JAG1: variants seen among roughly 807,000 people sequenced by gnomAD.
JAG1 encodes jagged canonical Notch ligand 1, also known as protein jagged-1.
In JAG1, 23 loss-of-function variants were observed where a neutral mutation model predicts 148.7. The ratio of observed to expected loss-of-function variants is 0.15; its 90% CI spans 0.11 to 0.22. JAG1 has a LOEUF of 0.22. Ranked by LOEUF, JAG1 falls within the 10% of genes least tolerant of loss-of-function variation. The probability of loss-of-function intolerance (pLI) is 1.00; values close to 1 mark genes in which losing one functional copy is unlikely to be tolerated. For synonymous variants in JAG1, 572 were observed against 598.3 expected (o/e 0.96, Z 0.64); for missense variants, 1,054 against 1,611.2 (o/e 0.65, Z 5.92).
intron 20 of JAG1, among the ~76,000 whole-genome samples, chr20:10,643,390 CCA>C (rs2067286458): frequency 6.6e-6 from 1 of 152,342 alleles, no homozygotes; most frequent in East Asian, 1.9e-4. Flanking sequence ...CCTCTGGAAG[CCA>C]CAGTCGTCCT....
Position 10,673,505 on chromosome 20 carries a change from C to G in JAG1, c.26G>C (p.Arg9Pro), listed in dbSNP as rs1248965484. ...CAGGAGGCTTAGGGGGCGCCCGGAC[C>G]GGCCGCGCGTCCGTGGGGAACGCAT... MRSPRTRG[R>P]SGRPLSLLLA... is the part of the protein sequence containing the mutation. The change falls in exon 1 of 26, where the codon CGG becomes CCG. Residue 9 changes from arginine to proline, a missense_variant. By Grantham distance (103) the Arg-to-Pro change is moderately radical. Transcript: ENST00000254958. The surrounding 1 kb of genome is among the most constrained non-coding windows in gnomAD (Gnocchi z 4.7). 2 of 1,267,686 alleles carry G rather than the reference C, an allele frequency of 1.6e-6. No individual in the cohort carries two copies. The highest frequency in any genetic ancestry group is 3.2e-5 in the South Asian group (1 of 30,958). 78.5% of individuals were successfully genotyped at this position (1,267,686 alleles called of 1,614,324 possible). A position where few individuals can be genotyped will look rare whatever the true frequency, so the allele number is the denominator to read the frequency against.
At position 10,672,851 on chromosome 20, in the gene JAG1, G is replaced by A; in HGVS notation, c.237C>T (p.Leu79=). ...CCGTGACGCGGGACTGATACTCCTT[G>A]AGGCACACTTTGAAGTATGTGTCAC... ...DECDTYFKVC[L]KEYQSRVTAG... is the part of the protein sequence containing the mutation. Residue 79 remains leucine, a synonymous_variant, in exon 2 of 26, where the codon CTC becomes CTT. Coordinates refer to ENST00000254958, the MANE Select transcript of JAG1 (RefSeq NM_000214.3). 6.2e-7 allele frequency: 1 copy of A among 1,613,354 alleles called. No individual in the cohort carries two copies. The highest frequency in any genetic ancestry group is 8.5e-7 in the Non-Finnish European group (1 of 1,180,050).
intron 11 of JAG1, 92 bp from the exon 12 acceptor site, chr20:10,648,814 GT>G: frequency 1.6e-6 from 2 of 1,276,622 alleles, no homozygotes; most frequent in Non-Finnish European, 2.3e-6. Context: ...GACTGTTGCG[GT>G]TTAGCTGGTT....
At position 10,668,092 on chromosome 20, in the gene JAG1, T is replaced by TAAAAAAA. The variant is rs58852175; in HGVS notation, c.388-4085_388-4079dup. Among the ~76,000 whole-genome samples the TAAAAAAA allele has an allele frequency of 2.1e-3, 220 of 107,220 alleles. 4 individuals carry two copies. Among genetic ancestry groups the TAAAAAAA allele is most frequent in the African/African-American group, 6.7e-3 (184 of 27,470 alleles). 70.3% of individuals were successfully genotyped at this position (107,220 alleles called of 152,430 possible). ...CCAATGGTAGATGTCACTGGCACCATAAAAAAAAAAAAAAAAAAAAAAAAC... is the reference window on the plus strand; with the variant it reads ...CCAATGGTAGATGTCACTGGCACCATAAAAAAAAAAAAAAAAAAAAAAAAAAAAAAAC... On this transcript the variant is annotated intron_variant, in intron 2 of 25. Transcript: ENST00000254958.
chr20:10,664,120 C>T, intron 2 of JAG1, 106 bp from the exon 3 acceptor site: 1 of 888,576 alleles, frequency 1.1e-6, no homozygotes, highest in South Asian at 1.3e-5. Flanking sequence ...AACCATAATG[C>T]CAAAATAAAA....
chr20:10,662,584 C>T (rs2067425095), intron 3 of JAG1: 1 of 152,872 alleles, frequency 6.5e-6, no homozygotes, highest in Admixed American at 6.5e-5. Flanking sequence ...CCTCCTCAAC[C>T]CCTTCTGCCT....
intron 14 of JAG1, 62 bp downstream of exon 14, chr20:10,646,877 C>T: frequency 6.6e-7 from 1 of 1,512,572 alleles, no homozygotes; most frequent in Non-Finnish European, 9.2e-7. Context: ...GGGCCAGGGG[C>T]AGAGGCAGGG....
At chr20:10,641,993 C>A in intron 21 of JAG1, 101 bp from the exon 22 acceptor site, 1 of 818,002 alleles carries the variant, frequency 1.2e-6, no homozygotes. Context: ...GTGCCCTTTG[C>A]CATGTTAAGA....
At chr20:10,660,229 A>G (rs6040063) in intron 3 of JAG1, among the ~76,000 whole-genome samples, 83,205 of 152,058 alleles carry the variant, frequency 0.55, 22,963 homozygotes, top group East Asian at 0.71. Flanking sequence ...TTCGCCCTCT[A>G]GGGCTCTCAA....
At chr20:10,651,741 T>TA (rs773468870) in intron 7 of JAG1, 47 bp from the exon 8 acceptor site, 32 of 1,221,164 alleles carry the variant, frequency 2.6e-5, no homozygotes, top group South Asian at 2.3e-4. Flanking sequence ...TGCACACCGT[T>TA]ACCTCCCCAC....
At chr20:10,647,287 T>C in intron 13 of JAG1, 184 bp from the exon 14 acceptor site, 1 of 672,384 alleles carries the variant, frequency 1.5e-6, no homozygotes, top group South Asian at 1.7e-5. Flanking sequence ...AAGTTGAGAC[T>C]CCAGGCAAAG....
At chr20:10,644,475 C>A in intron 18 of JAG1, 91 bp from the exon 19 acceptor site, 1 of 1,018,702 alleles carries the variant, frequency 9.8e-7, no homozygotes, top group East Asian at 2.4e-5. Context: ...TCCTAATACC[C>A]AAATGATAAA....
At chr20:10,649,768 T>G (rs756481852) in intron 9 of JAG1, 133 bp from the exon 10 acceptor site, 143 of 696,042 alleles carry the variant, frequency 2.1e-4, no homozygotes, top group Non-Finnish European at 2.7e-4. Context: ...TAAAAGATAC[T>G]AGAGGTTCCC....
chr20:10,644,524 G>A, intron 18 of JAG1, 140 bp from the exon 19 acceptor site: 1 of 736,352 alleles, frequency 1.4e-6, no homozygotes, highest in South Asian at 1.5e-5. Flanking sequence ...TGCTAAATTG[G>A]AACCAGGCCC....
chr20:10,645,099 G>T lies in JAG1; in HGVS notation c.2227+44C>A, dbSNP rs773393697. 1.9e-6 allele frequency: 3 copies of T among 1,544,942 alleles called. No individual in the cohort carries two copies. The highest frequency in any genetic ancestry group is 1.1e-5 in the South Asian group (1 of 89,632). ...AGGGGCCAACCAGCAGACACGCCCAGGTGGCCATGCCCACTGCAGATCCCA... is the reference window on the plus strand; with the variant it reads ...AGGGGCCAACCAGCAGACACGCCCATGTGGCCATGCCCACTGCAGATCCCA... On this transcript the variant is annotated intron_variant, in intron 17 of 25. Transcript: ENST00000254958. This position sits in a 1 kb window ranked among gnomAD's most constrained non-coding sequence, Gnocchi z 6.1.
intron 18 of JAG1, 53 bp downstream of exon 18, chr20:10,644,810 G>T: frequency 7.9e-7 from 1 of 1,272,724 alleles, no homozygotes; most frequent in Non-Finnish European, 1.2e-6. Flanking sequence ...CCCCAAGGGT[G>T]TCAGGATCTG....
Position 10,673,040 on chromosome 20 carries a change from G to C in JAG1, c.82-34C>G. The C allele has an allele frequency of 1.3e-6, 2 of 1,596,652 alleles. No individual in the cohort carries two copies. Among genetic ancestry groups the C allele is most frequent in the Non-Finnish European group, 1.7e-6 (2 of 1,176,210 alleles). ...GAGGGAAGGAGGTAGGTCAGCGCGG[G>C]AGAAAGCTGTTTTCTTCGAGTATAG... On this transcript the variant is annotated intron_variant, in intron 1 of 25. Coordinates refer to ENST00000254958, the MANE Select transcript of JAG1 (RefSeq NM_000214.3). This position sits in a 1 kb window ranked among gnomAD's most constrained non-coding sequence, Gnocchi z 4.7.
intron 2 of JAG1, among the ~76,000 whole-genome samples, chr20:10,664,403 C>A (rs1263267152): frequency 6.8e-6 from 1 of 147,918 alleles, no homozygotes; most frequent in Non-Finnish European, 1.5e-5. Flanking sequence ...CACACACACA[C>A]ACACACACAA....
At chr20:10,646,114 C>G (rs767228475) in intron 14 of JAG1, 30 bp from the exon 15 acceptor site, 1 of 1,513,832 alleles carries the variant, frequency 6.6e-7, no homozygotes, top group Middle Eastern at 1.7e-4. Context: ...AAAAAAAGAA[C>G]TGAAGGACTT....
Sources: allele counts gnomAD v4.1 joint callset (sites outside exome capture counted in the v4.1 genomes callset), GRCh38; gene constraint gnomAD v4.1.1; non-coding constraint Gnocchi (gnomAD v3.1); transcripts MANE v1.5; gene names NCBI Gene and HGNC (gene_info 2026-07-23, HGNC 2026-07-21).